The following GRIN2A variants were observed in gnomAD, a reference collection of about 807,000 sequenced individuals.
The protein encoded by GRIN2A is glutamate receptor ionotropic, NMDA 2A.
GRIN2A carries 22 observed loss-of-function variants against 113.4 expected under a neutral mutation model. The observed-to-expected ratio is 0.19, with a 90% CI of 0.14 to 0.28. The LOEUF (loss-of-function observed/expected upper bound fraction) is 0.28, where lower values mean the gene tolerates loss of function less well. Among genes scored for constraint, GRIN2A ranks in the 10% least tolerant of loss-of-function variants. The probability of loss-of-function intolerance (pLI) is 1.00; values close to 1 mark genes in which losing one functional copy is unlikely to be tolerated. For synonymous variants in GRIN2A, 827 were observed against 738.4 expected, an observed-to-expected ratio of 1.12 and a Z score of -1.94; for missense variants, 1,502 against 1,887.0, an observed-to-expected ratio of 0.80 and a Z score of 3.78.
At chr16:9,974,555 T>C (rs1054128409) in intron 2 of GRIN2A, among the ~76,000 whole-genome samples, 13 of 152,300 alleles carry the variant, frequency 8.5e-5, no homozygotes, top group Admixed American at 5.2e-4. Context: ...AGCTCAACTC[T>C]TGAGACAGGA....
At chr16:10,003,215 G>A (rs899478077) in intron 2 of GRIN2A, among the ~76,000 whole-genome samples, 2 of 152,152 alleles carry the variant, frequency 1.3e-5, no homozygotes, top group African/African-American at 2.4e-5. Context: ...CTGTCCAGAT[G>A]AAGAGCAGAA....
intron 4 of GRIN2A, among the ~76,000 whole-genome samples, chr16:9,854,088 C>A (rs1041467053): frequency 5.9e-5 from 9 of 152,042 alleles, no homozygotes; most frequent in Non-Finnish European, 2.9e-5. Flanking sequence ...TCAGGGCATG[C>A]CACATGGAGG....
intron 2 of GRIN2A, among the ~76,000 whole-genome samples, chr16:10,123,791 T>C (rs72776042): frequency 0.072 from 11,009 of 152,256 alleles, 544 homozygotes; most frequent in Non-Finnish European, 0.11. Context: ...GTAATCAGAC[T>C]ACCTGGGTTT....
Position 9,849,829 on chromosome 16 carries a change from C to A in GRIN2A, c.1255G>T (p.Val419Leu). 1 of 1,614,038 alleles carries A rather than the reference C, an allele frequency of 6.2e-7. No homozygotes were observed. Among genetic ancestry groups the A allele is most frequent in the Non-Finnish European group, 8.5e-7 (1 of 1,179,952 alleles). The change falls in exon 5 of 13, where the codon GTG becomes TTG. Residue 419 changes from valine (V) to leucine (L), a missense_variant. Coordinates refer to ENST00000330684, the MANE Select transcript of GRIN2A (RefSeq NM_001134407.3). ...VTLEEAPFVI[V>L]EDIDPLTETC... ...TCGGTCAGGGGGTCTATGTCTTCCA[C>A]GATGACGAATGGGGCCTCCTCCAGG... is the stretch of plus-strand genomic sequence containing the variant.
intron 10 of GRIN2A, among the ~76,000 whole-genome samples, chr16:9,805,297 C>A (rs1314035392): frequency 6.6e-6 from 1 of 152,162 alleles, no homozygotes; most frequent in East Asian, 1.9e-4. Flanking sequence ...GGGGTCTCAG[C>A]ACATTTAAAG....
chr16:9,892,948 A>AG (rs1261539369), intron 3 of GRIN2A, among the ~76,000 whole-genome samples: 6 of 146,492 alleles, frequency 4.1e-5, no homozygotes, highest in South Asian at 4.2e-4. Flanking sequence ...AAAAAAAAAA[A>AG]AAGAAGAAGA....
chr16:9,881,756 A>G (rs1051624492), intron 4 of GRIN2A, among the ~76,000 whole-genome samples: 5 of 152,220 alleles, frequency 3.3e-5, no homozygotes, highest in Non-Finnish European at 7.3e-5. Context: ...CGTGGCCAGA[A>G]TTCATGGCTT....
At chr16:9,971,491 C>G (rs1164253397) in intron 2 of GRIN2A, among the ~76,000 whole-genome samples, 1 of 152,194 alleles carries the variant, frequency 6.6e-6, no homozygotes, top group Non-Finnish European at 1.5e-5. Context: ...GAAAAACCAC[C>G]TAGTAGAGCC....
intron 2 of GRIN2A, among the ~76,000 whole-genome samples, chr16:10,075,875 AAAAT>A (rs911271690): frequency 6.6e-6 from 1 of 152,196 alleles, no homozygotes; most frequent in East Asian, 1.9e-4. Context: ...TAAAAATTAA[AAAAT>A]AAAATCCTAC....
At chr16:9,978,327 G>C (rs994571485) in intron 2 of GRIN2A, among the ~76,000 whole-genome samples, 2 of 152,114 alleles carry the variant, frequency 1.3e-5, no homozygotes, top group African/African-American at 2.4e-5. Context: ...GTGTGAACTT[G>C]GGCAAGTCTT....
At chr16:10,036,009 C>G (rs7199239) in intron 2 of GRIN2A, among the ~76,000 whole-genome samples, 32,284 of 152,094 alleles carry the variant, frequency 0.21, 4,141 homozygotes, top group East Asian at 0.52. Flanking sequence ...CAGGCGTAAG[C>G]CACCATGCCC....
At chr16:10,028,336 C>G (rs1405460890) in intron 2 of GRIN2A, among the ~76,000 whole-genome samples, 1 of 151,018 alleles carries the variant, frequency 6.6e-6, no homozygotes, top group Non-Finnish European at 1.5e-5. Flanking sequence ...GTGGTGATGG[C>G]TACAGGTCCA....
Position 9,985,762 on chromosome 16 carries a change from AGAGT to A in GRIN2A, c.415-47215_415-47212del, listed in dbSNP as rs1443105046. Among the ~76,000 whole-genome samples the A allele has an allele frequency of 4.3e-4, 65 of 152,304 alleles. 2 individuals are homozygous for A. The highest frequency in any genetic ancestry group is 1.5e-3 in the African/African-American group (62 of 41,574). On this transcript the variant is annotated intron_variant, in intron 2 of 12. Coordinates refer to ENST00000330684, the MANE Select transcript of GRIN2A (RefSeq NM_001134407.3). ...AATGAGTACAAAAATATAGTTAGAT[AGAGT>A]AAGATCTAATATTTAATAGCACAAC... is the stretch of plus-strand genomic sequence containing the variant.
At chr16:10,144,426 C>CT (rs2049389714) in intron 2 of GRIN2A, among the ~76,000 whole-genome samples, 1 of 152,088 alleles carries the variant, frequency 6.6e-6, no homozygotes. Context: ...TGTTGAGAAC[C>CT]TTTTTAATGC....
chr16:9,932,325 T>A (rs2044611685), intron 3 of GRIN2A, among the ~76,000 whole-genome samples: 1 of 152,234 alleles, frequency 6.6e-6, no homozygotes. Context: ...TATCATGGGC[T>A]ATGGCATGAA....
rs397518465 is a variant in GRIN2A, at chr16:9,937,958, C to T, written c.1007+1G>A. The T allele has an allele frequency of 1.2e-6, 2 of 1,608,784 alleles. No homozygotes were observed. Among genetic ancestry groups the T allele is most frequent in the African/African-American group, 1.3e-5 (1 of 74,946 alleles). On this transcript the variant is annotated splice_donor_variant, in intron 3 of 12. Transcript: ENST00000330684. LOFTEE classifies it high-confidence loss of function. ...TTGGGAGACAACAAGCCCTTTCTTA[C>T]GGGTGCAAGGTGTGCATCGGGACCT...
chr16:9,975,330 T>G (rs1306821434), intron 2 of GRIN2A, among the ~76,000 whole-genome samples: 3 of 152,220 alleles, frequency 2.0e-5, no homozygotes, highest in Non-Finnish European at 2.9e-5. Context: ...TCCTGGTTTA[T>G]TCCATGGATC....
At chr16:10,025,053 G>A (rs1357151091) in intron 2 of GRIN2A, among the ~76,000 whole-genome samples, 2 of 151,986 alleles carry the variant, frequency 1.3e-5, no homozygotes, top group African/African-American at 2.4e-5. Flanking sequence ...AGAGGATGAT[G>A]GAGAGAGGAA....
At chr16:9,847,740 A>G (rs1021506685) in intron 5 of GRIN2A, among the ~76,000 whole-genome samples, 1 of 149,258 alleles carries the variant, frequency 6.7e-6, no homozygotes, top group African/African-American at 2.4e-5. Context: ...ACATAAAAAT[A>G]TATAATGTTT....
Sources: gnomAD v4.1 joint callset for allele counts (sites outside exome capture counted in the v4.1 genomes callset) on GRCh38, gnomAD v4.1.1 for gene constraint, MANE v1.5 for transcripts, NCBI Gene and HGNC (gene_info 2026-07-23, HGNC 2026-07-21) for gene names.